The following CSMD1 variants were observed in gnomAD, a reference collection of about 807,000 sequenced individuals.
The protein encoded by CSMD1 is CUB and Sushi multiple domains 1, also known as CUB and sushi domain-containing protein 1.
In CSMD1, 213 loss-of-function variants were observed where a neutral mutation model predicts 417.5. The observed-to-expected ratio is 0.51, with a 90% CI of 0.46 to 0.57. The LOEUF (loss-of-function observed/expected upper bound fraction) is 0.57. Among genes scored for constraint, CSMD1 ranks in the 20% least tolerant of loss-of-function variants. The pLI, the probability that CSMD1 is intolerant of heterozygous loss-of-function variation, is 0.00. For missense variants in CSMD1, 6,923 were observed against 4,529.7 expected (o/e 1.53, Z -15.17); for synonymous variants, 2,862 against 1,736.8 (o/e 1.65, Z -16.11).
At chr8:3,254,838 C>T (rs772093954) in intron 26 of CSMD1, among the ~76,000 whole-genome samples, 36 of 151,938 alleles carry the variant, frequency 2.4e-4, no homozygotes, top group African/African-American at 3.1e-4. Flanking sequence ...AGCTCGGGGT[C>T]GTTTGCTAGT....
intron 5 of CSMD1, among the ~76,000 whole-genome samples, chr8:3,985,388 T>C (rs1033324783): frequency 1.3e-5 from 2 of 152,132 alleles, no homozygotes; most frequent in Non-Finnish European, 2.9e-5. Flanking sequence ...AGAAAGTAAA[T>C]GAATATACAT....
chr8:4,435,738 G>T (rs1233446112), intron 2 of CSMD1, among the ~76,000 whole-genome samples: 1 of 152,088 alleles, frequency 6.6e-6, no homozygotes, highest in Non-Finnish European at 1.5e-5. Flanking sequence ...GATCTGTCTT[G>T]GCCATGTGGC....
intron 6 of CSMD1, among the ~76,000 whole-genome samples, chr8:3,747,408 GAC>G (rs1797113328): frequency 6.8e-6 from 1 of 146,708 alleles, no homozygotes; most frequent in South Asian, 2.4e-4. Flanking sequence ...ATATTATGTA[GAC>G]ACAGTATTTT....
chr8:4,752,822 G>A (rs905944724), intron 1 of CSMD1, among the ~76,000 whole-genome samples: 1 of 152,120 alleles, frequency 6.6e-6, no homozygotes, highest in African/African-American at 2.4e-5. Flanking sequence ...AAGAAGGATG[G>A]AGGCAAAGTT....
chr8:4,304,003 T>C (rs1237313482), intron 3 of CSMD1, among the ~76,000 whole-genome samples: 3 of 152,096 alleles, frequency 2.0e-5, no homozygotes, highest in African/African-American at 7.2e-5. Flanking sequence ...ACATGATGTC[T>C]AGGAAGCGTC....
At chr8:4,306,001 T>G (rs1267888022) in intron 3 of CSMD1, among the ~76,000 whole-genome samples, 1 of 152,210 alleles carries the variant, frequency 6.6e-6, no homozygotes, top group African/African-American at 2.4e-5. Flanking sequence ...TTAATGGTTG[T>G]GCAATATTAT....
At chr8:3,533,385 ACTC>A (rs1253653300) in intron 10 of CSMD1, among the ~76,000 whole-genome samples, 1 of 151,850 alleles carries the variant, frequency 6.6e-6, no homozygotes, top group African/African-American at 2.4e-5. Context: ...TTGAACAGTG[ACTC>A]CTCATTTCCC....
At chr8:3,032,748 T>C (rs539864442) in intron 50 of CSMD1, among the ~76,000 whole-genome samples, 1 of 152,126 alleles carries the variant, frequency 6.6e-6, no homozygotes, top group African/African-American at 2.4e-5. Flanking sequence ...CCCTATGTTT[T>C]CTCCTCTTCT....
chr8:3,561,620 A>T (rs116891799), intron 10 of CSMD1, among the ~76,000 whole-genome samples: 1 of 152,166 alleles, frequency 6.6e-6, no homozygotes, highest in Admixed American at 6.5e-5. Flanking sequence ...GGTCACTCCG[A>T]AAGTGAGGAG....
chr8:2,956,181 A>T (rs1054711821), intron 63 of CSMD1, among the ~76,000 whole-genome samples: 3 of 152,104 alleles, frequency 2.0e-5, no homozygotes, highest in African/African-American at 7.2e-5. Flanking sequence ...GAGACTGGTG[A>T]ATATTTAGAT....
chr8:4,922,783 A>G (rs1357234639), intron 1 of CSMD1, among the ~76,000 whole-genome samples: 1 of 152,144 alleles, frequency 6.6e-6, no homozygotes, highest in African/African-American at 2.4e-5. Context: ...AGGACACCAA[A>G]GTCACCCCAA....
chr8:3,102,562 T>TA (rs1211218124), intron 46 of CSMD1, among the ~76,000 whole-genome samples: 1 of 152,208 alleles, frequency 6.6e-6, no homozygotes, highest in Non-Finnish European at 1.5e-5. Flanking sequence ...ATGTGCCACT[T>TA]AAAGATGGGG....
At chr8:4,831,003 G>C (rs1250567181) in intron 1 of CSMD1, among the ~76,000 whole-genome samples, 1 of 152,264 alleles carries the variant, frequency 6.6e-6, no homozygotes, top group African/African-American at 2.4e-5. Flanking sequence ...TTCATTTTAA[G>C]GGCTGCACAA....
chr8:4,785,509 C>T (rs1001795987), intron 1 of CSMD1, among the ~76,000 whole-genome samples: 18 of 152,106 alleles, frequency 1.2e-4, no homozygotes, highest in African/African-American at 4.3e-4. Flanking sequence ...AGCTGATTAC[C>T]CTAGACAGCA....
chr8:3,037,228 C>T lies in CSMD1; in HGVS notation c.7661-7715G>A, dbSNP rs962724118. ...CTTTCTTTTTTTTGTTTTTTTGAGA[C>T]GGAGTCTCGCTCTGTGGCCCAGGCT... On this transcript the variant is annotated intron_variant, in intron 50 of 69. Coordinates refer to ENST00000635120, the MANE Select transcript of CSMD1 (RefSeq NM_033225.6). Among the ~76,000 whole-genome samples, 9 of 142,790 alleles carry T rather than the reference C, an allele frequency of 6.3e-5. No individual in the cohort carries two copies. The East Asian group carries it at 9.7e-4, about 15-fold the overall frequency. 93.7% of individuals were successfully genotyped at this position (142,790 alleles called of 152,430 possible).
At chr8:2,944,007 A>C (rs1488010699) in intron 68 of CSMD1, among the ~76,000 whole-genome samples, 1 of 152,192 alleles carries the variant, frequency 6.6e-6, no homozygotes, top group Non-Finnish European at 1.5e-5. Context: ...CTTTCAAATG[A>C]CATTATTTGC....
At chr8:3,563,482 T>G (rs1014700119) in intron 10 of CSMD1, among the ~76,000 whole-genome samples, 10 of 142,678 alleles carry the variant, frequency 7.0e-5, no homozygotes, top group Admixed American at 4.9e-4. Flanking sequence ...ATCTAAGACC[T>G]GTAAAACTAA....
intron 12 of CSMD1, among the ~76,000 whole-genome samples, chr8:3,445,678 G>C (rs1363135433): frequency 6.6e-6 from 1 of 152,134 alleles, no homozygotes; most frequent in Non-Finnish European, 1.5e-5. Context: ...CGGAACTAGA[G>C]GGGACGAGAG....
At chr8:4,187,723 T>C (rs1798769120) in intron 3 of CSMD1, among the ~76,000 whole-genome samples, 1 of 148,648 alleles carries the variant, frequency 6.7e-6, no homozygotes, top group Non-Finnish European at 1.5e-5. Flanking sequence ...CTAGTTAGTG[T>C]ACATTAAGGC....
Sources: gnomAD v4.1 joint callset for allele counts (sites outside exome capture counted in the v4.1 genomes callset) on GRCh38, gnomAD v4.1.1 for gene constraint, MANE v1.5 for transcripts, NCBI Gene and HGNC (gene_info 2026-07-23, HGNC 2026-07-21) for gene names.